ITGA9: variants seen among roughly 807,000 people sequenced by gnomAD.
ITGA9 encodes integrin alpha-9.
ITGA9 carries 56 observed loss-of-function variants against 127.8 expected under a neutral mutation model. That is an observed-to-expected ratio of 0.44 (90% CI 0.35 to 0.55). The LOEUF (loss-of-function observed/expected upper bound fraction) is 0.55. Ranked by LOEUF, ITGA9 falls within the 20% of genes least tolerant of loss-of-function variation. The probability of loss-of-function intolerance (pLI) is 0.00; values close to 1 mark genes in which losing one functional copy is unlikely to be tolerated. For missense variants in ITGA9, 1,196 were observed against 1,347.1 expected (o/e 0.89, Z 1.76); for synonymous variants, 508 against 514.5 (o/e 0.99, Z 0.17).
intron 15 of ITGA9, among the ~76,000 whole-genome samples, chr3:37,582,847 T>G (rs888357899): frequency 2.6e-5 from 4 of 152,244 alleles, no homozygotes; most frequent in Non-Finnish European, 5.9e-5. Context: ...ACTTCTGGCC[T>G]AAGCAATCCT....
chr3:37,648,953 G>A (rs909888953), intron 16 of ITGA9, among the ~76,000 whole-genome samples: 1 of 151,634 alleles, frequency 6.6e-6, no homozygotes, highest in Non-Finnish European at 1.5e-5. Flanking sequence ...ATGTAACTTG[G>A]GGGGAGCAGA....
intron 15 of ITGA9, among the ~76,000 whole-genome samples, chr3:37,552,126 G>A (rs1296392634): frequency 1.3e-5 from 2 of 152,174 alleles, no homozygotes; most frequent in Non-Finnish European, 2.9e-5. Flanking sequence ...AAAGCAGATC[G>A]CTACAGCTGG....
chr3:37,598,305 G>A (rs1026314019), intron 15 of ITGA9, among the ~76,000 whole-genome samples: 1 of 152,222 alleles, frequency 6.6e-6, no homozygotes, highest in African/African-American at 2.4e-5. Context: ...AAGGCTGTGT[G>A]AGTGAAGAGG....
intron 14 of ITGA9, among the ~76,000 whole-genome samples, chr3:37,537,421 C>T (rs956709213): frequency 4.6e-5 from 7 of 152,146 alleles, no homozygotes; most frequent in Admixed American, 3.9e-4. Flanking sequence ...GTGAGGTTTG[C>T]AGGGTCCCAG....
intron 25 of ITGA9, among the ~76,000 whole-genome samples, chr3:37,780,299 T>C (rs575275347): frequency 6.6e-6 from 1 of 152,322 alleles, no homozygotes; most frequent in South Asian, 2.1e-4. Flanking sequence ...AGGTAACTTT[T>C]CAACCCTCAC....
intron 15 of ITGA9, among the ~76,000 whole-genome samples, chr3:37,567,053 T>A (rs1559538498): frequency 1.3e-5 from 2 of 152,170 alleles, no homozygotes; most frequent in Non-Finnish European, 2.9e-5. Context: ...TAATGAAGAT[T>A]TGGGATGTGT....
intron 18 of ITGA9, among the ~76,000 whole-genome samples, chr3:37,727,528 C>G (rs1166388333): frequency 6.6e-6 from 1 of 152,086 alleles, no homozygotes; most frequent in African/African-American, 2.4e-5. Flanking sequence ...CAGTGGCACT[C>G]AAAACATTGT....
chr3:37,461,542 C>G (rs1698316687), intron 1 of ITGA9, among the ~76,000 whole-genome samples: 1 of 152,140 alleles, frequency 6.6e-6, no homozygotes, highest in Admixed American at 6.5e-5. Flanking sequence ...AACCAATGGT[C>G]TTTTTCATCC....
intron 4 of ITGA9, among the ~76,000 whole-genome samples, chr3:37,489,550 A>G (rs756372121): frequency 5.9e-5 from 9 of 152,232 alleles, no homozygotes; most frequent in Non-Finnish European, 1.0e-4. Context: ...TAGCTTAGTC[A>G]TCAGTTATTT....
rs193117917 is a variant in ITGA9 at position 37,724,653 on chromosome 3, C to A, written c.2068-8059C>A. Among the ~76,000 whole-genome samples, 63 of 152,186 alleles carry A rather than the reference C, an allele frequency of 4.1e-4. No individual in the cohort carries two copies. In the East Asian group the frequency reaches 9.9e-3, roughly 24 times the overall value. On this transcript the variant is annotated intron_variant, in intron 18 of 27. Transcript: ENST00000264741. ...TGGGATTACAGGCATCTGCCCACCA[C>A]GCCCAGCTAATTTTTTGTATTTTTA...
At chr3:37,766,712 T>C (rs998226759) in intron 23 of ITGA9, among the ~76,000 whole-genome samples, 3 of 152,228 alleles carry the variant, frequency 2.0e-5, no homozygotes, top group Middle Eastern at 3.2e-3. Context: ...TTGTCTCATA[T>C]GGGGGCTATT....
At position 37,506,074 on chromosome 3, in the gene ITGA9, G is replaced by A; in HGVS notation, c.817G>A (p.Gly273Ser). 1 of 1,608,648 alleles carries A rather than the reference G, an allele frequency of 6.2e-7. No individual in the cohort carries two copies. Among genetic ancestry groups the A allele is most frequent in the East Asian group, 2.2e-5 (1 of 44,780 alleles). Residue 273 changes from glycine to serine, a missense_variant, in exon 7 of 28, where the codon GGC becomes AGC. Physicochemically the swap from Gly to Ser is moderately conservative, Grantham distance 56. Transcript: ENST00000264741. The stretch of plus-strand genomic sequence containing the variant: ...GGTAGGAGGTGCCCCACAGGACAAA[G>A]GCATCGGCAAGGTGAGGAGAAACAT... The part of the protein sequence containing the change: ...DVVGGAPQDK[G>S]IGKVYIFRAD...
At chr3:37,659,712 T>A (rs764824401) in intron 17 of ITGA9, among the ~76,000 whole-genome samples, 4 of 152,054 alleles carry the variant, frequency 2.6e-5, no homozygotes, top group Non-Finnish European at 4.4e-5. Context: ...CCATCCAGTT[T>A]TGTTCCCTTG....
At chr3:37,471,750 A>C (rs1481156090) in intron 2 of ITGA9, among the ~76,000 whole-genome samples, 1 of 152,178 alleles carries the variant, frequency 6.6e-6, no homozygotes, top group Non-Finnish European at 1.5e-5. Flanking sequence ...GATCAGATGG[A>C]TGTTTTTAAA....
At chr3:37,644,285 C>T (rs1700357480) in intron 16 of ITGA9, among the ~76,000 whole-genome samples, 1 of 152,108 alleles carries the variant, frequency 6.6e-6, no homozygotes, top group African/African-American at 2.4e-5. Context: ...CTAAATGATG[C>T]CTTTAGATGG....
intron 4 of ITGA9, among the ~76,000 whole-genome samples, chr3:37,491,277 G>C (rs556290474): frequency 1.1e-3 from 167 of 152,306 alleles, no homozygotes; most frequent in African/African-American, 3.8e-3. Context: ...GTGCTGGCCA[G>C]CTTCCCCAAA....
intron 16 of ITGA9, among the ~76,000 whole-genome samples, chr3:37,638,347 A>C (rs1700300836): frequency 6.6e-6 from 1 of 152,086 alleles, no homozygotes; most frequent in South Asian, 2.1e-4. Context: ...GGTTGAAATT[A>C]AAATAAAAGA....
At chr3:37,584,179 G>A (rs939108575) in intron 15 of ITGA9, among the ~76,000 whole-genome samples, 6 of 152,236 alleles carry the variant, frequency 3.9e-5, no homozygotes, top group Non-Finnish European at 1.5e-5. Flanking sequence ...GTTGGCTGGG[G>A]AAGCTGTTCT....
At chr3:37,454,665 C>A (rs1698237347) in intron 1 of ITGA9, among the ~76,000 whole-genome samples, 1 of 152,180 alleles carries the variant, frequency 6.6e-6, no homozygotes, top group Non-Finnish European at 1.5e-5. Flanking sequence ...CTACTGAAAT[C>A]TTTTTAAAAT....
Sources: gnomAD v4.1 joint callset for allele counts (sites outside exome capture counted in the v4.1 genomes callset) on GRCh38, gnomAD v4.1.1 for gene constraint, MANE v1.5 for transcripts, NCBI Gene and HGNC (gene_info 2026-07-23, HGNC 2026-07-21) for gene names.